POLE4: variants seen among roughly 807,000 people sequenced by gnomAD.
POLE4 encodes DNA polymerase epsilon 4, accessory subunit, also known as DNA polymerase epsilon subunit 4.
In POLE4, 15 loss-of-function variants were observed where a neutral mutation model predicts 15.6. The observed-to-expected ratio is 0.96, with a 90% CI of 0.64 to 1.48. The LOEUF (loss-of-function observed/expected upper bound fraction) is 1.48, where lower values mean the gene tolerates loss of function less well. Ranked by LOEUF, POLE4 falls within the 40% of genes most tolerant of loss-of-function variation. The probability of loss-of-function intolerance (pLI) is 0.00; values close to 1 mark genes in which losing one functional copy is unlikely to be tolerated. For missense variants in POLE4, 205 were observed against 151.9 expected (o/e 1.35, Z -1.84); for synonymous variants, 83 against 63.2 (o/e 1.31, Z -1.49).
intron 3 of POLE4, chr2:74,960,720 C>G (rs1011020031): frequency 2.4e-6 from 1 of 418,150 alleles, no homozygotes. Flanking sequence ...TCAGCTTACT[C>G]TTCACTACAC....
rs1177849636 is a variant in POLE4, at chr2:74,969,866, A to G, written c.*444A>G. The G allele has an allele frequency of 1.3e-5, 2 of 157,066 alleles. No individual in the cohort carries two copies. The highest frequency in any genetic ancestry group is 2.4e-5 in the African/African-American group (1 of 41,558). The allele number at this position is 157,066 out of a possible 1,614,324, so 9.7% of individuals were successfully genotyped here. ...GTCCTTTCATTAATTTTGTTCTTTT[A>G]TTTTTCCAGCACATCACCAGAAAGT... On this transcript the variant is annotated 3_prime_UTR_variant, in exon 4 of 4. Transcript: ENST00000483063.
intron 1 of POLE4, 57 bp from the exon 2 acceptor site, chr2:74,959,284 C>G: frequency 8.6e-7 from 1 of 1,160,488 alleles, no homozygotes. Flanking sequence ...AACCGGAGCC[C>G]TCACCTCCTC....
rs77085654 is a variant in POLE4, at chr2:74,968,723, A to G, written c.341-686A>G. Reference sequence around the variant, plus strand: ...GGAGATAGGGGCAACTGTTTGTCATACAGACCCTCTGGTCATTAACCCATT... The same window carrying G: ...GGAGATAGGGGCAACTGTTTGTCATGCAGACCCTCTGGTCATTAACCCATT... On this transcript the variant is annotated intron_variant, in intron 3 of 3. Transcript: ENST00000483063. Among the ~76,000 whole-genome samples the G allele has an allele frequency of 6.8e-3, 1,024 of 151,456 alleles. 10 individuals are homozygous for G. The highest frequency in any genetic ancestry group is 0.024 in the African/African-American group (974 of 41,206).
intron 3 of POLE4, among the ~76,000 whole-genome samples, chr2:74,967,374 T>C (rs2103684030): frequency 6.6e-6 from 1 of 152,116 alleles, no homozygotes; most frequent in South Asian, 2.1e-4. Flanking sequence ...GTGAGTTCTG[T>C]TTGGTTCCTT....
chr2:74,960,209 A>G, intron 3 of POLE4, 63 bp downstream of exon 3: 1 of 1,314,962 alleles, frequency 7.6e-7, no homozygotes, highest in South Asian at 1.2e-5. Flanking sequence ...GTGAAATTCA[A>G]AATCTCATAA....
intron 1 of POLE4, 32 bp downstream of exon 1, chr2:74,958,924 G>C (rs747767705): frequency 1.8e-5 from 28 of 1,539,998 alleles, no homozygotes; most frequent in East Asian, 9.9e-5. Flanking sequence ...ATGCGGGAGT[G>C]GGGGAGGTGG....
At chr2:74,960,676 A>G in intron 3 of POLE4, 1 of 447,492 alleles carries the variant, frequency 2.2e-6, no homozygotes, top group Non-Finnish European at 4.5e-6. Flanking sequence ...ACCTAGCCTC[A>G]GAGCGATTTC....
rs1298176004 is a variant in POLE4 at position 74,959,421 on chromosome 2, C to G, written c.294C>G (p.Asp98Glu). Reference sequence around the variant, plus strand: ...AAAGGAAAACCCTTCAGAGGAGAGACTTGGGTAGAGTGGCACTGCAGTGTC... The same window carrying G: ...AAAGGAAAACCCTTCAGAGGAGAGAGTTGGGTAGAGTGGCACTGCAGTGTC... ...QGKRKTLQRR[D>E]LDNAIEAVDE... The change falls in exon 2 of 4, where the codon GAC becomes GAG. Residue 98 changes from aspartate (D) to glutamate (E), a missense_variant. Coordinates refer to ENST00000483063, the MANE Select transcript of POLE4 (RefSeq NM_019896.4). 3.7e-6 allele frequency: 6 copies of G among 1,606,350 alleles called. No homozygotes were observed. Among genetic ancestry groups the G allele is most frequent in the Non-Finnish European group, 5.1e-6 (6 of 1,173,002 alleles).
At chr2:74,959,635 C>T (rs1671186676) in intron 2 of POLE4, 2 of 513,492 alleles carry the variant, frequency 3.9e-6, no homozygotes, top group African/African-American at 1.9e-5. Context: ...TCTGGGGTTG[C>T]CGTAGCGGAC....
chr2:74,962,722 C>T (rs1480478249), intron 3 of POLE4, among the ~76,000 whole-genome samples: 1 of 152,174 alleles, frequency 6.6e-6, no homozygotes, highest in Non-Finnish European at 1.5e-5. Context: ...TTGTCAGCCC[C>T]CAGAGTCCCA....
rs559717797 is a variant in POLE4, at chr2:74,964,214, GGTATTC to G, written c.340+4069_340+4074del. On this transcript the variant is annotated intron_variant, in intron 3 of 3. Coordinates refer to ENST00000483063, the MANE Select transcript of POLE4 (RefSeq NM_019896.4). Reference sequence around the variant, plus strand: ...TATTTGTATCTCTTTTCCATTGATGGGTATTCTCACATCAGTACTATACTGTCTCAG... The same window carrying G: ...TATTTGTATCTCTTTTCCATTGATGGTCACATCAGTACTATACTGTCTCAG... 1.4e-3 allele frequency among the ~76,000 whole-genome samples: 214 copies of G among 152,174 alleles called. 1 individual carries two copies. Among genetic ancestry groups the G allele is most frequent in the African/African-American group, 5.0e-3 (207 of 41,518 alleles).
intron 2 of POLE4, chr2:74,959,817 C>T: frequency 2.1e-6 from 1 of 468,204 alleles, no homozygotes; most frequent in Non-Finnish European, 3.8e-6. Flanking sequence ...TCTTCTCTGA[C>T]AACTTTAAGA....
Position 74,960,097 on chromosome 2 carries a change from T to A in POLE4, c.299-8T>A. ...GTTAGTCAGGTGTCTCTTTTCCTTG[T>A]GTTTCAGATAATGCAATAGAAGCTG... is the stretch of plus-strand genomic sequence containing the variant. On this transcript the variant is annotated splice_polypyrimidine_tract_variant and splice_region_variant and intron_variant, in intron 2 of 3. Transcript: ENST00000483063. 1 of 1,613,502 alleles carries A rather than the reference T, an allele frequency of 6.2e-7. No individual in the cohort carries two copies. Among genetic ancestry groups the A allele is most frequent in the Non-Finnish European group, 8.5e-7 (1 of 1,179,484 alleles).
chr2:74,958,896 C>A lies in POLE4; in HGVS notation c.213+4C>A, dbSNP rs1403620311. 6.4e-7 allele frequency: 1 copy of A among 1,552,408 alleles called. No homozygotes were observed. Among genetic ancestry groups the A allele is most frequent in the African/African-American group, 1.4e-5 (1 of 73,146 alleles). ...CTTCATTCTGGCACGAGCCGCGGTG[C>A]GCCTGCAGCGCGAGGGCATGCGGGA... On this transcript the variant is annotated splice_donor_region_variant and intron_variant, in intron 1 of 3. Coordinates refer to ENST00000483063, the MANE Select transcript of POLE4 (RefSeq NM_019896.4).
chr2:74,967,981 T>G (rs1671319072), intron 3 of POLE4, among the ~76,000 whole-genome samples: 2 of 152,198 alleles, frequency 1.3e-5, no homozygotes, highest in African/African-American at 4.8e-5. Flanking sequence ...CTTCCTTACT[T>G]GGGTAGACTC....
At chr2:74,969,324 T>C in intron 3 of POLE4, 85 bp from the exon 4 acceptor site, 20 of 1,230,930 alleles carry the variant, frequency 1.6e-5, no homozygotes, top group Non-Finnish European at 2.4e-5. Flanking sequence ...TACCGGAGCC[T>C]CTTCTGCATT....
chr2:74,959,773 C>T (rs1366616490), intron 2 of POLE4: 9 of 447,360 alleles, frequency 2.0e-5, no homozygotes, highest in South Asian at 3.8e-5. Flanking sequence ...TTTCGTATAC[C>T]GTATTCTCAT....
At chr2:74,960,712 A>T in intron 3 of POLE4, 1 of 425,840 alleles carries the variant, frequency 2.3e-6, no homozygotes, top group South Asian at 1.7e-5. Context: ...CAGTCTGATC[A>T]GCTTACTCTT....
chr2:74,969,529 TC>T lies in POLE4; in HGVS notation c.*109del. The T allele has an allele frequency of 1.0e-6, 1 of 980,650 alleles. No individual in the cohort carries two copies. The highest frequency in any genetic ancestry group is 2.2e-4 in the Middle Eastern group (1 of 4,498). 60.7% of individuals were successfully genotyped at this position (980,650 alleles called of 1,614,324 possible). Reference sequence around the variant, plus strand: ...GAGTCTTTGCACTTACACACACTCTTCCTGTTCTGCCTTCACCTATGCCGGG... The same window carrying T: ...GAGTCTTTGCACTTACACACACTCTTCTGTTCTGCCTTCACCTATGCCGGG... On this transcript the variant is annotated 3_prime_UTR_variant, in exon 4 of 4. Coordinates refer to ENST00000483063, the MANE Select transcript of POLE4 (RefSeq NM_019896.4).
Sources: allele counts gnomAD v4.1 joint callset (sites outside exome capture counted in the v4.1 genomes callset), GRCh38; gene constraint gnomAD v4.1.1; transcripts MANE v1.5; gene names NCBI Gene and HGNC (gene_info 2026-07-23, HGNC 2026-07-21).